TMIGD3: variants seen among roughly 807,000 people sequenced by gnomAD.
The protein encoded by TMIGD3 is AD026 protein (AD026).
Under a neutral mutation model 28.1 loss-of-function variants are expected in TMIGD3, and 21 were observed. The ratio of observed to expected loss-of-function variants is 0.75; its 90% CI spans 0.53 to 1.08. The LOEUF (loss-of-function observed/expected upper bound fraction) is 1.08, where lower values mean the gene tolerates loss of function less well. Ranked by LOEUF, TMIGD3 falls within the 50% of genes least tolerant of loss-of-function variation. The pLI is 0.00. For missense variants in TMIGD3, 416 were observed against 435.6 expected, an observed-to-expected ratio of 0.96 and a Z score of 0.40; for synonymous variants, 151 against 162.1, an observed-to-expected ratio of 0.93 and a Z score of 0.52.
At position 111,499,369 on chromosome 1, in the gene TMIGD3, C is replaced by A. The variant is rs1488707689; in HGVS notation, c.350+3636G>T. 5.1e-6 allele frequency: 5 copies of A among 977,830 alleles called. No homozygotes were observed. In the African/African-American group the frequency reaches 8.8e-5, roughly 17 times the overall value. The allele number at this position is 977,830 out of a possible 1,614,324, so 60.6% of individuals were successfully genotyped here. A position where few individuals can be genotyped will look rare whatever the true frequency, so the allele number is the denominator to read the frequency against. On this transcript the variant is annotated intron_variant, in intron 1 of 5. Transcript: ENST00000369716. Reference sequence around the variant, plus strand: ...TCCAAGTAGCAAGCAAGCTTAGTGCCAAAGACAGCCAGCTGGGTCTTTAAG... The same window carrying A: ...TCCAAGTAGCAAGCAAGCTTAGTGCAAAAGACAGCCAGCTGGGTCTTTAAG...
intron 1 of TMIGD3, among the ~76,000 whole-genome samples, chr1:111,524,372 G>T (rs1430331695): frequency 6.6e-6 from 1 of 151,766 alleles, no homozygotes; most frequent in Non-Finnish European, 1.5e-5. Flanking sequence ...ATCTATTTGA[G>T]ACCTTTCTTA....
Position 111,523,131 on chromosome 1 carries a change from C to T in TMIGD3, c.108-32369G>A, listed in dbSNP as rs181204543. On this transcript the variant is annotated intron_variant, in intron 1 of 5. Transcript: ENST00000369717. ...GTTTGTTGTAGTTTTTTCACAGATG[C>T]CTTATATCCCATTGAGAATGTTTTT... Among the ~76,000 whole-genome samples, 5 of 152,290 alleles carry T rather than the reference C, an allele frequency of 3.3e-5. No homozygotes were observed. The South Asian group carries it at 6.2e-4, about 19-fold the overall frequency.
In TMIGD3 at chr1:111,503,220, G is replaced by A. The variant is rs751894820; in HGVS notation, c.135C>T (p.Thr45=). Reference sequence around the variant, plus strand: ...GAGAGACAATGAAATAGAAGGTGGTGGTCTGCAGGCTGGGGTTCAGCTTGA... The same window carrying A: ...GAGAGACAATGAAATAGAAGGTGGTAGTCTGCAGGCTGGGGTTCAGCTTGA... ...CVVKLNPSLQ[T]TTFYFIVSLA... Residue 45 remains threonine (T), a synonymous_variant, in exon 1 of 6, where the codon ACC becomes ACT. Coordinates refer to ENST00000369716, the MANE Select transcript of TMIGD3 (RefSeq NM_020683.7). The A allele has an allele frequency of 5.6e-6, 9 of 1,614,246 alleles. No homozygotes were observed. Among genetic ancestry groups the A allele is most frequent in the Admixed American group, 5.0e-5 (3 of 60,022 alleles).
intron 1 of TMIGD3, among the ~76,000 whole-genome samples, chr1:111,529,906 TGGCCGGGCAGAGG>T (rs1656395272): frequency 6.7e-6 from 1 of 148,284 alleles, no homozygotes; most frequent in African/African-American, 2.6e-5. Context: ...ACGGGGCGGC[TGGCCGGGCAGAGG>T]GGCTCCTCAC....
Position 111,512,687 on chromosome 1 carries a change from G to A in TMIGD3, c.108-21925C>T, listed in dbSNP as rs1490146539. 3.3e-5 allele frequency among the ~76,000 whole-genome samples: 5 copies of A among 152,196 alleles called. No individual in the cohort carries two copies. In the South Asian group the frequency reaches 8.3e-4, roughly 25 times the overall value. On this transcript the variant is annotated intron_variant, in intron 1 of 5. Coordinates refer to the TMIGD3 transcript ENST00000369717. Reference sequence around the variant, plus strand: ...TCAGAGCCACTCCAGTGCCCAACCAGTGCTCCACTTCCACTTACAAGGTGC... The same window carrying A: ...TCAGAGCCACTCCAGTGCCCAACCAATGCTCCACTTCCACTTACAAGGTGC...
Position 111,521,024 on chromosome 1 carries a change from A to G in TMIGD3, c.108-30262T>C, listed in dbSNP as rs567310056. ...CCTCCCTCCCACCCCTTCCCACCCT[A>G]TCCCCTAACTATTGATCTGCTCTCT... On this transcript the variant is annotated intron_variant, in intron 1 of 5. Transcript: ENST00000369717. Among the ~76,000 whole-genome samples the G allele has an allele frequency of 5.9e-4, 56 of 95,246 alleles. 1 individual carries two copies. The South Asian group carries it at 0.018, about 30-fold the overall frequency. 62.5% of individuals were successfully genotyped at this position (95,246 alleles called of 152,430 possible).
At chr1:111,542,154 T>C in intron 1 of TMIGD3, 1 of 373,254 alleles carries the variant, frequency 2.7e-6, no homozygotes, top group South Asian at 2.2e-5. Context: ...ATGTTTTTAA[T>C]TGAGTAGATG....
intron 1 of TMIGD3, among the ~76,000 whole-genome samples, chr1:111,495,253 A>C (rs1215433237): frequency 6.6e-6 from 1 of 152,246 alleles, no homozygotes; most frequent in African/African-American, 2.4e-5. Context: ...TCTATAAGGA[A>C]CTTAAACAAA....
At chr1:111,526,906 T>C (rs575933841) in intron 1 of TMIGD3, among the ~76,000 whole-genome samples, 10 of 152,148 alleles carry the variant, frequency 6.6e-5, no homozygotes, top group Non-Finnish European at 1.3e-4. Flanking sequence ...CCCATAGCTT[T>C]GCCTTTTTCA....
chr1:111,524,970 T>C (rs899710139), intron 1 of TMIGD3, among the ~76,000 whole-genome samples: 6 of 152,228 alleles, frequency 3.9e-5, no homozygotes, highest in African/African-American at 1.4e-4. Context: ...TTTAAAAATG[T>C]GTTAATTTCT....
rs757472820 is a variant in TMIGD3 at position 111,500,224 on chromosome 1, G to C, written c.350+2781C>G. On this transcript the variant is annotated intron_variant, in intron 1 of 5. Transcript: ENST00000369716. ...AAGAACCAGAAACAAGGACTTAGCC[G>C]TCTTGAACTCCCGTCCATAAAATGC... The C allele has an allele frequency of 3.7e-6, 6 of 1,614,016 alleles. No homozygotes were observed. The South Asian group carries it at 6.6e-5, about 18-fold the overall frequency.
chr1:111,490,958 G>T (rs1654630501), intron 1 of TMIGD3, among the ~76,000 whole-genome samples, 196 bp from the exon 2 acceptor site: 1 of 152,234 alleles, frequency 6.6e-6, no homozygotes, highest in South Asian at 2.1e-4. Context: ...GGGCAGTAGA[G>T]ATCTCCCTCC....
At chr1:111,560,390 G>A (rs1402908211) in intron 1 of TMIGD3, among the ~76,000 whole-genome samples, 1 of 151,446 alleles carries the variant, frequency 6.6e-6, no homozygotes, top group Non-Finnish European at 1.5e-5. Context: ...TATTCACTAA[G>A]TTCTTAACAA....
intron 1 of TMIGD3, among the ~76,000 whole-genome samples, chr1:111,560,110 G>C (rs1262895495): frequency 6.6e-6 from 1 of 152,184 alleles, no homozygotes; most frequent in Non-Finnish European, 1.5e-5. Flanking sequence ...TGGAAGCTCA[G>C]AGATTACAAT....
At chr1:111,511,679 A>C (rs1655696081) in intron 1 of TMIGD3, among the ~76,000 whole-genome samples, 1 of 151,250 alleles carries the variant, frequency 6.6e-6, no homozygotes, top group African/African-American at 2.4e-5. Flanking sequence ...CCCTTTACAC[A>C]CACACACACA....
intron 1 of TMIGD3, among the ~76,000 whole-genome samples, chr1:111,495,111 A>C (rs533855401): frequency 1.3e-5 from 2 of 152,368 alleles, no homozygotes; most frequent in Non-Finnish European, 1.5e-5. Flanking sequence ...GAAATGGCCA[A>C]AAGCCACCAC....
intron 1 of TMIGD3, among the ~76,000 whole-genome samples, chr1:111,497,651 G>GA (rs1475587323): frequency 1.3e-5 from 2 of 151,380 alleles, no homozygotes; most frequent in Non-Finnish European, 3.0e-5. Flanking sequence ...ATCAGGAAAA[G>GA]AAAAAAAGAG....
chr1:111,519,676 C>T (rs1017118996), intron 1 of TMIGD3, among the ~76,000 whole-genome samples: 9 of 151,592 alleles, frequency 5.9e-5, no homozygotes, highest in East Asian at 3.8e-4. Flanking sequence ...TTTCCCTCCC[C>T]GAGCTTAGTG....
intron 3 of TMIGD3, among the ~76,000 whole-genome samples, chr1:111,488,042 C>G (rs1027721286): frequency 6.6e-6 from 1 of 152,072 alleles, no homozygotes. Context: ...TGGGCTCTAG[C>G]AATCCACCCA....
Sources: gnomAD v4.1 joint callset for allele counts (sites outside exome capture counted in the v4.1 genomes callset) on GRCh38, gnomAD v4.1.1 for gene constraint, MANE v1.5 for transcripts, NCBI Gene and HGNC (gene_info 2026-07-23, HGNC 2026-07-21) for gene names.